The following TMEM117 variants were observed in gnomAD, a reference collection of about 807,000 sequenced individuals.
TMEM117 encodes transmembrane protein 117.
In TMEM117, 27 loss-of-function variants were observed where a neutral mutation model predicts 52.4. The ratio of observed to expected loss-of-function variants is 0.51; its 90% CI spans 0.38 to 0.71. The LOEUF (loss-of-function observed/expected upper bound fraction) is 0.71, where lower values mean the gene tolerates loss of function less well. Ranked by LOEUF, TMEM117 falls within the 30% of genes least tolerant of loss-of-function variation. The pLI is 0.00. For synonymous variants in TMEM117, 215 were observed against 206.3 expected (o/e 1.04, Z -0.36); for missense variants, 556 against 630.5 (o/e 0.88, Z 1.26).
intron 4 of TMEM117, among the ~76,000 whole-genome samples, chr12:44,170,759 T>C (rs1401030384): frequency 1.3e-5 from 2 of 152,168 alleles, no homozygotes; most frequent in African/African-American, 4.8e-5. Context: ...TTTTTAACTG[T>C]TTATTTTGAA....
At chr12:44,198,856 A>AG (rs1949455085) in intron 4 of TMEM117, among the ~76,000 whole-genome samples, 1 of 152,168 alleles carries the variant, frequency 6.6e-6, no homozygotes, top group African/African-American at 2.4e-5. Flanking sequence ...GGGAAGAAGG[A>AG]GGGGTGAGGC....
chr12:44,387,815 C>CA (rs1442314934), intron 7 of TMEM117, among the ~76,000 whole-genome samples: 2 of 152,064 alleles, frequency 1.3e-5, no homozygotes, highest in African/African-American at 4.8e-5. Context: ...CAGGGACCTA[C>CA]AGTTGTGTTT....
At chr12:43,805,783 T>G in the TMEM117 span, 2 of 1,354,148 alleles carry the variant, frequency 1.5e-6, no homozygotes, top group Admixed American at 1.9e-5. Context: ...CTTTTTGTAA[T>G]CAAAGTCCTG....
chr12:44,090,396 CTTTTTATTTATTTATTTATTTATT>C (rs1258998822), intron 3 of TMEM117, among the ~76,000 whole-genome samples: 30 of 143,920 alleles, frequency 2.1e-4, no homozygotes, highest in African/African-American at 6.4e-4. Flanking sequence ...TTTTATCTTA[CTTTTTATTTATTTATTTATTTATT>C]TATTTATTTA....
intron 6 of TMEM117, among the ~76,000 whole-genome samples, chr12:44,351,835 T>A (rs529323894): frequency 6.6e-6 from 1 of 152,112 alleles, no homozygotes; most frequent in Admixed American, 6.6e-5. Context: ...TTCAGAATAT[T>A]TTTGACAACT....
At chr12:43,803,240 A>C in the TMEM117 span, among the ~76,000 whole-genome samples, 2 of 152,200 alleles carry the variant, frequency 1.3e-5, no homozygotes, top group Non-Finnish European at 2.9e-5. Context: ...AGATGGTATC[A>C]TGCAGTTTAT....
chr12:44,176,859 A>G (rs114475051), intron 4 of TMEM117, among the ~76,000 whole-genome samples: 2 of 152,140 alleles, frequency 1.3e-5, no homozygotes, highest in African/African-American at 2.4e-5. Context: ...TGTCCTTAAA[A>G]TGCTATCCTC....
intron 5 of TMEM117, among the ~76,000 whole-genome samples, chr12:44,280,892 A>G (rs1950568979): frequency 6.6e-6 from 1 of 152,210 alleles, no homozygotes; most frequent in Non-Finnish European, 1.5e-5. Context: ...AACAAGGTTG[A>G]TGATTTGCCT....
intron 7 of TMEM117, among the ~76,000 whole-genome samples, chr12:44,379,116 T>TA (rs531473540): frequency 1.2e-4 from 17 of 143,446 alleles, no homozygotes; most frequent in Admixed American, 3.6e-4. Flanking sequence ...AACTCATCTC[T>TA]AAAAAAAAAT....
chr12:44,234,810 CTG>C (rs890641707), intron 5 of TMEM117, among the ~76,000 whole-genome samples: 3 of 151,390 alleles, frequency 2.0e-5, no homozygotes, highest in Admixed American at 2.0e-4. Context: ...AGATTATATA[CTG>C]TGTGTAATTT....
At chr12:44,300,641 T>C (rs938461901) in intron 6 of TMEM117, among the ~76,000 whole-genome samples, 2 of 151,014 alleles carry the variant, frequency 1.3e-5, no homozygotes, top group Non-Finnish European at 2.9e-5. Flanking sequence ...TATTTATTGA[T>C]TTTTTTTAAA....
chr12:44,097,257 A>C (rs1947782339), intron 3 of TMEM117, among the ~76,000 whole-genome samples: 1 of 152,128 alleles, frequency 6.6e-6, no homozygotes, highest in Admixed American at 6.5e-5. Flanking sequence ...ACACTTTTAC[A>C]CTGTTGGTGG....
At chr12:44,084,410 A>G (rs1947533133) in intron 3 of TMEM117, among the ~76,000 whole-genome samples, 1 of 152,294 alleles carries the variant, frequency 6.6e-6, no homozygotes, top group Admixed American at 6.5e-5. Context: ...TTATCAATAT[A>G]ACATACTATC....
chr12:43,944,306 T>C lies in TMEM117; in HGVS notation c.374T>C (p.Ile125Thr), dbSNP rs746916770. 4 of 1,612,806 alleles carry C rather than the reference T, an allele frequency of 2.5e-6. No individual in the cohort carries two copies. The African/African-American group carries it at 5.3e-5, about 22-fold the overall frequency. Residue 125 changes from isoleucine to threonine, a missense_variant, in exon 3 of 8, where the codon ATA becomes ACA. By Grantham distance (89) the Ile-to-Thr change is moderately conservative. This residue lies in a region of TMEM117 where 328 missense variants were observed against 371.4 expected (regional missense o/e 0.88). Coordinates refer to ENST00000266534, the MANE Select transcript of TMEM117 (RefSeq NM_032256.3). Reference sequence around the variant, plus strand: ...CTCTTTCTCTTCATATTTTCTCACATATACAACACGATTCTTCTAATGGAT... The same window carrying C: ...CTCTTTCTCTTCATATTTTCTCACACATACAACACGATTCTTCTAATGGAT... ...TILFLFIFSH[I>T]YNTILLMDGN... is the part of the protein sequence containing the mutation.
At chr12:44,095,943 G>A (rs1032549493) in intron 3 of TMEM117, among the ~76,000 whole-genome samples, 2 of 152,120 alleles carry the variant, frequency 1.3e-5, no homozygotes, top group East Asian at 1.9e-4. Flanking sequence ...GTTTGTAGAC[G>A]ACATGATTGT....
intron 3 of TMEM117, among the ~76,000 whole-genome samples, chr12:43,992,438 C>A (rs987239948): frequency 1.3e-5 from 2 of 151,834 alleles, no homozygotes; most frequent in Non-Finnish European, 2.9e-5. Flanking sequence ...TGGCTAATTT[C>A]TTTTTTGTTT....
At chr12:44,115,018 A>G (rs76721050) in intron 3 of TMEM117, among the ~76,000 whole-genome samples, 1,536 of 152,344 alleles carry the variant, frequency 0.01, 10 homozygotes, top group African/African-American at 0.016. Context: ...TAAATCATAT[A>G]TAATTTTTTA....
At chr12:44,040,633 A>G (rs958353559) in intron 3 of TMEM117, among the ~76,000 whole-genome samples, 3 of 152,080 alleles carry the variant, frequency 2.0e-5, no homozygotes, top group Admixed American at 2.0e-4. Context: ...TTTATATCTT[A>G]TTCCTGTATT....
chr12:44,052,739 A>G (rs1385895163), intron 3 of TMEM117, among the ~76,000 whole-genome samples: 1 of 151,990 alleles, frequency 6.6e-6, no homozygotes, highest in Non-Finnish European at 1.5e-5. Flanking sequence ...TGCCCCACAC[A>G]TTGTGTAATT....
Sources: gnomAD v4.1 joint callset for allele counts (sites outside exome capture counted in the v4.1 genomes callset) on GRCh38, gnomAD v4.1.1 for gene constraint, gnomAD v4.1.1 regional missense constraint, MANE v1.5 for transcripts, NCBI Gene and HGNC (gene_info 2026-07-23, HGNC 2026-07-21) for gene names.